The following PDLIM5 variants were observed in gnomAD, a reference collection of about 807,000 sequenced individuals.
The protein encoded by PDLIM5 is PDZ and LIM domain protein 5.
PDLIM5 carries 34 observed loss-of-function variants against 64.2 expected under a neutral mutation model. The observed-to-expected ratio is 0.53, with a 90% confidence interval of 0.40 to 0.71. The LOEUF (loss-of-function observed/expected upper bound fraction) is 0.71, where lower values mean the gene tolerates loss of function less well. Among genes scored for constraint, PDLIM5 ranks in the 30% least tolerant of loss-of-function variants. PDLIM5 has a pLI of 0.00. For missense variants in PDLIM5, 683 were observed against 733.6 expected (o/e 0.93, Z 0.80); for synonymous variants, 253 against 269.1 (o/e 0.94, Z 0.59).
At position 94,576,231 on chromosome 4, in the gene PDLIM5, A is replaced by G. The variant is rs187994348; in HGVS notation, c.710+197A>G. Among the ~76,000 whole-genome samples the G allele has an allele frequency of 3.1e-3, 476 of 152,306 alleles. 3 individuals are homozygous for G. The highest frequency in any genetic ancestry group is 0.011 in the African/African-American group (439 of 41,578). ...AGCAATTATCACTTATTCAAAAGCT[A>G]CTTGTGCATTTTGACATGTTCTGAA... On this transcript the variant is annotated intron_variant, in intron 5 of 12. Transcript: ENST00000317968.
intron 2 of PDLIM5, among the ~76,000 whole-genome samples, chr4:94,462,618 A>G (rs1342919112): frequency 6.6e-6 from 1 of 152,014 alleles, no homozygotes; most frequent in East Asian, 1.9e-4. Flanking sequence ...CTGACATTGA[A>G]TTTAAGTTTT....
chr4:94,563,446 T>A (rs1171541907), intron 3 of PDLIM5, among the ~76,000 whole-genome samples: 2 of 152,202 alleles, frequency 1.3e-5, no homozygotes, highest in African/African-American at 4.8e-5. Flanking sequence ...TTTTTAAGTG[T>A]TACGTAACTG....
intron 3 of PDLIM5, among the ~76,000 whole-genome samples, chr4:94,547,160 A>G (rs1159089698): frequency 6.6e-6 from 1 of 152,084 alleles, no homozygotes; most frequent in Non-Finnish European, 1.5e-5. Flanking sequence ...TTAGTTTCCT[A>G]TTGCTGCTGT....
At chr4:94,493,649 G>T (rs1727072889) in intron 2 of PDLIM5, among the ~76,000 whole-genome samples, 1 of 152,052 alleles carries the variant, frequency 6.6e-6, no homozygotes, top group South Asian at 2.1e-4. Context: ...TAAATATTCT[G>T]CAGTCTTATT....
chr4:94,501,317 CA>C (rs1578261433), intron 2 of PDLIM5, among the ~76,000 whole-genome samples: 1 of 152,086 alleles, frequency 6.6e-6, no homozygotes, highest in Non-Finnish European at 1.5e-5. Flanking sequence ...CTCCTGAGCT[CA>C]AAAAGTCTAT....
chr4:94,661,892 C>T (rs536628306), intron 11 of PDLIM5, among the ~76,000 whole-genome samples: 1 of 151,868 alleles, frequency 6.6e-6, no homozygotes, highest in Non-Finnish European at 1.5e-5. Flanking sequence ...GCGATCTCAG[C>T]TCACTGAAAC....
At chr4:94,514,524 G>T (rs1729199777) in intron 2 of PDLIM5, among the ~76,000 whole-genome samples, 1 of 152,114 alleles carries the variant, frequency 6.6e-6, no homozygotes, top group Non-Finnish European at 1.5e-5. Flanking sequence ...GTCTTTGTCT[G>T]GTTTTGGAAT....
chr4:94,662,546 A>T lies in PDLIM5; in HGVS notation c.1701+9A>T, dbSNP rs779766007. The T allele has an allele frequency of 2.2e-6, 3 of 1,359,668 alleles. No individual in the cohort carries two copies. The allele number at this position is 1,359,668 out of a possible 1,614,324, so 84.2% of individuals were successfully genotyped here. A position where few individuals can be genotyped will look rare whatever the true frequency, so the allele number is the denominator to read the frequency against. On this transcript the variant is annotated intron_variant, in intron 12 of 12. Coordinates refer to ENST00000317968, the MANE Select transcript of PDLIM5 (RefSeq NM_006457.5). ...CTTGCTTTGTATGCTCAGTAAGTAG[A>T]GTCTTATTTCCTAATTAAAGGGGTA... is the stretch of plus-strand genomic sequence containing the variant.
chr4:94,594,944 G>A (rs888782277), intron 7 of PDLIM5, among the ~76,000 whole-genome samples: 5 of 152,226 alleles, frequency 3.3e-5, no homozygotes, highest in East Asian at 1.9e-4. Flanking sequence ...ATGAGGAAGC[G>A]GTTTGATTGA....
At chr4:94,617,189 C>G (rs1029183109) in intron 7 of PDLIM5, among the ~76,000 whole-genome samples, 1 of 152,098 alleles carries the variant, frequency 6.6e-6, no homozygotes, top group African/African-American at 2.4e-5. Flanking sequence ...TTTGGGCTAC[C>G]TAGAATTATT....
At chr4:94,611,108 A>G (rs578184809) in intron 7 of PDLIM5, 1 of 1,534,212 alleles carries the variant, frequency 6.5e-7, no homozygotes, top group African/African-American at 1.4e-5. Flanking sequence ...TCCTGGATGC[A>G]CTTTGCATCA....
At chr4:94,573,854 T>G (rs1322883547) in intron 4 of PDLIM5, 1 of 163,050 alleles carries the variant, frequency 6.1e-6, no homozygotes, top group African/African-American at 2.4e-5. Context: ...AAACCATTAT[T>G]CATATATATC....
chr4:94,554,772 A>ACG (rs1733125328), intron 3 of PDLIM5, among the ~76,000 whole-genome samples: 1 of 152,134 alleles, frequency 6.6e-6, no homozygotes, highest in Non-Finnish European at 1.5e-5. Context: ...GGTATCTGCA[A>ACG]TGTGTGTACA....
At chr4:94,596,535 G>T (rs114678525) in intron 7 of PDLIM5, among the ~76,000 whole-genome samples, 1,692 of 146,830 alleles carry the variant, frequency 0.012, 28 homozygotes, top group African/African-American at 0.035. Context: ...CTGCACTTTA[G>T]TTTTTTTTTT....
At chr4:94,576,888 C>A (rs1735313116) in intron 5 of PDLIM5, among the ~76,000 whole-genome samples, 1 of 151,846 alleles carries the variant, frequency 6.6e-6, no homozygotes, top group African/African-American at 2.4e-5. Context: ...TTTTTTTTAA[C>A]ACTTTCGGTT....
At chr4:94,559,148 A>G (rs1249941737) in intron 3 of PDLIM5, among the ~76,000 whole-genome samples, 1 of 152,202 alleles carries the variant, frequency 6.6e-6, no homozygotes, top group African/African-American at 2.4e-5. Context: ...TGATTCTTTG[A>G]TTTCTCAAGC....
intron 8 of PDLIM5, among the ~76,000 whole-genome samples, chr4:94,622,819 TGCCACCACACCCA>T (rs2110409870): frequency 1.3e-5 from 2 of 152,092 alleles, no homozygotes; most frequent in East Asian, 3.9e-4. Flanking sequence ...TACAGGTGCC[TGCCACCACACCCA>T]GCTAATTTTT....
chr4:94,454,580 C>T (rs1723157250), intron 1 of PDLIM5, among the ~76,000 whole-genome samples: 1 of 152,184 alleles, frequency 6.6e-6, no homozygotes, highest in Non-Finnish European at 1.5e-5. Flanking sequence ...TTGTGACTAA[C>T]ATCACTGTAC....
chr4:94,654,562 A>G lies in PDLIM5; in HGVS notation c.1386A>G (p.Lys462=), dbSNP rs745887251. The change falls in exon 10 of 13, where the codon AAA becomes AAG. Residue 462 remains lysine, a synonymous_variant. Coordinates refer to ENST00000317968, the MANE Select transcript of PDLIM5 (RefSeq NM_006457.5). The stretch of plus-strand genomic sequence containing the variant: ...CCTACATTGGATTTGTAGAGGAGAA[A>G]GGAGCCCTGTATTGTGAGCTGTGCT... ...TMAYIGFVEE[K]GALYCELCYE... The G allele has an allele frequency of 3.7e-6, 6 of 1,612,582 alleles. No homozygotes were observed. The South Asian group carries it at 4.4e-5, about 12-fold the overall frequency.
Sources: gnomAD v4.1 joint callset for allele counts (sites outside exome capture counted in the v4.1 genomes callset) on GRCh38, gnomAD v4.1.1 for gene constraint, MANE v1.5 for transcripts, NCBI Gene and HGNC (gene_info 2026-07-23, HGNC 2026-07-21) for gene names.